The following NCOA1 variants were observed in gnomAD, a reference collection of about 807,000 sequenced individuals.
The protein encoded by NCOA1 is Hin-2 protein.
A neutral mutation model predicts 150.9 loss-of-function variants in NCOA1; 35 were observed. The ratio of observed to expected loss-of-function variants is 0.23; its 90% CI spans 0.18 to 0.31. The LOEUF (loss-of-function observed/expected upper bound fraction) is 0.31, where lower values mean the gene tolerates loss of function less well. Among genes scored for constraint, NCOA1 ranks in the 10% least tolerant of loss-of-function variants. The pLI is 1.00. For missense variants in NCOA1, 1,491 were observed against 1,749.3 expected, an observed-to-expected ratio of 0.85 and a Z score of 2.63; for synonymous variants, 590 against 630.0, an observed-to-expected ratio of 0.94 and a Z score of 0.95.
chr2:24,702,334 T>A (rs1038763516), intron 11 of NCOA1, among the ~76,000 whole-genome samples: 1 of 152,328 alleles, frequency 6.6e-6, no homozygotes, highest in Middle Eastern at 3.4e-3. Flanking sequence ...TTTTAATTCT[T>A]TATCTTTTTC....
At chr2:24,663,236 A>G (rs1032581645) in intron 5 of NCOA1, among the ~76,000 whole-genome samples, 13 of 152,142 alleles carry the variant, frequency 8.5e-5, no homozygotes, top group African/African-American at 2.9e-4. Context: ...TTAACTTGGT[A>G]TCTTCACTCT....
intron 1 of NCOA1, among the ~76,000 whole-genome samples, chr2:24,495,738 A>G (rs1278300537): frequency 1.3e-5 from 2 of 152,208 alleles, no homozygotes; most frequent in Non-Finnish European, 2.9e-5. Context: ...AACTCTGACC[A>G]GACAGACAGA....
At chr2:24,664,330 G>A (rs1356364590) in intron 5 of NCOA1, among the ~76,000 whole-genome samples, 1 of 152,178 alleles carries the variant, frequency 6.6e-6, no homozygotes, top group Non-Finnish European at 1.5e-5. Context: ...TTTGTTTTGT[G>A]TAGGTAAATA....
chr2:24,730,830 A>C (rs1178675435), intron 17 of NCOA1, among the ~76,000 whole-genome samples: 1 of 143,924 alleles, frequency 6.9e-6, no homozygotes, highest in Non-Finnish European at 1.5e-5. Context: ...GTTCGAGACC[A>C]GCGTGGCCAA....
chr2:24,502,275 T>G (rs1253959671), intron 1 of NCOA1, among the ~76,000 whole-genome samples: 2 of 152,204 alleles, frequency 1.3e-5, no homozygotes, highest in Non-Finnish European at 2.9e-5. Context: ...AATTTCAGCT[T>G]TCTAGAATCC....
intron 3 of NCOA1, among the ~76,000 whole-genome samples, chr2:24,595,989 T>G (rs1667869462): frequency 6.6e-6 from 1 of 152,142 alleles, no homozygotes; most frequent in East Asian, 1.9e-4. Flanking sequence ...AGGTAGACTT[T>G]CAGGAGTGAG....
At chr2:24,715,142 C>T (rs775579638) in intron 14 of NCOA1, among the ~76,000 whole-genome samples, 21 of 152,038 alleles carry the variant, frequency 1.4e-4, no homozygotes, top group Non-Finnish European at 2.8e-4. Flanking sequence ...TTGTCACCAG[C>T]AGATTACACT....
At chr2:24,716,306 C>G (rs1430158497) in intron 14 of NCOA1, among the ~76,000 whole-genome samples, 1 of 149,712 alleles carries the variant, frequency 6.7e-6, no homozygotes, top group African/African-American at 2.5e-5. Context: ...TTTAATACTT[C>G]TATAAAGCAC....
chr2:24,674,115 A>G (rs1463775422), intron 7 of NCOA1, among the ~76,000 whole-genome samples: 1 of 91,502 alleles, frequency 1.1e-5, no homozygotes, highest in Admixed American at 1.4e-4. Context: ...TTAAAGACAT[A>G]TGTATGTATG....
intron 17 of NCOA1, among the ~76,000 whole-genome samples, chr2:24,737,165 G>GT (rs1663354607): frequency 6.6e-6 from 1 of 152,228 alleles, no homozygotes; most frequent in African/African-American, 2.4e-5. Flanking sequence ...GCTGAGGAAT[G>GT]TAGCGATCCT....
intron 7 of NCOA1, among the ~76,000 whole-genome samples, chr2:24,679,442 G>C (rs1280022674): frequency 6.6e-6 from 1 of 152,148 alleles, no homozygotes; most frequent in Non-Finnish European, 1.5e-5. Flanking sequence ...AATGTTACTA[G>C]TCTCTTGAGG....
At chr2:24,586,733 C>T (rs944994449) in intron 3 of NCOA1, among the ~76,000 whole-genome samples, 4 of 152,304 alleles carry the variant, frequency 2.6e-5, no homozygotes, top group Admixed American at 2.6e-4. Flanking sequence ...GGATTACAGG[C>T]GTGAGCCACC....
chr2:24,605,997 G>A (rs958307002), intron 3 of NCOA1, among the ~76,000 whole-genome samples: 2 of 152,048 alleles, frequency 1.3e-5, no homozygotes, highest in Non-Finnish European at 2.9e-5. Context: ...TTTAAAGAGC[G>A]TGCTTCTTAT....
chr2:24,605,273 G>A (rs1336153381), intron 3 of NCOA1, among the ~76,000 whole-genome samples: 1 of 152,156 alleles, frequency 6.6e-6, no homozygotes, highest in Non-Finnish European at 1.5e-5. Flanking sequence ...GCTTGGATCA[G>A]GGTTGCCACA....
chr2:24,540,323 A>G (rs1428244597), intron 1 of NCOA1, among the ~76,000 whole-genome samples: 1 of 152,210 alleles, frequency 6.6e-6, no homozygotes, highest in Non-Finnish European at 1.5e-5. Context: ...TGGCTATAAA[A>G]CAAGAGTAGG....
In NCOA1 at chr2:24,711,025, G is replaced by A; in HGVS notation, c.2513G>A (p.Gly838Asp). 1 of 1,614,168 alleles carries A rather than the reference G, an allele frequency of 6.2e-7. No homozygotes were observed. Among genetic ancestry groups the A allele is most frequent in the African/African-American group, 1.3e-5 (1 of 75,036 alleles). ...PGLCETDRMD[G>D]AVTSVTIKSE... ...TTATGTGAGACAGACAGGATGGATG[G>A]TGCGGTCACCAGTGTAACCATCAAA... is the stretch of plus-strand genomic sequence containing the variant. Residue 838 changes from glycine (G) to aspartate (D), a missense_variant, in exon 14 of 23, where the codon GGT becomes GAT. Physicochemically the swap from Gly to Asp is moderately conservative, Grantham distance 94. Coordinates refer to ENST00000348332, the MANE Select transcript of NCOA1 (RefSeq NM_003743.5).
chr2:24,633,476 A>T (rs1669797267), intron 3 of NCOA1, among the ~76,000 whole-genome samples: 1 of 152,192 alleles, frequency 6.6e-6, no homozygotes, highest in South Asian at 2.1e-4. Context: ...GAAAAAATGA[A>T]TAGTATATTT....
Position 24,661,952 on chromosome 2 carries a change from A to T in NCOA1, c.89+3186A>T, listed in dbSNP as rs999976296. Reference sequence around the variant, plus strand: ...TTCATATCTTTTTTCTCTTCTTTAGATATCTTAAAGATAATTATATTCACA... The same window carrying T: ...TTCATATCTTTTTTCTCTTCTTTAGTTATCTTAAAGATAATTATATTCACA... On this transcript the variant is annotated intron_variant, in intron 5 of 22. Coordinates refer to ENST00000348332, the MANE Select transcript of NCOA1 (RefSeq NM_003743.5). 6.6e-5 allele frequency among the ~76,000 whole-genome samples: 10 copies of T among 152,314 alleles called. No individual in the cohort carries two copies. The South Asian group carries it at 1.9e-3, about 28-fold the overall frequency.
chr2:24,551,530 G>T (rs1558786794), intron 1 of NCOA1, among the ~76,000 whole-genome samples: 1 of 152,082 alleles, frequency 6.6e-6, no homozygotes, highest in African/African-American at 2.4e-5. Context: ...CTCTCCGTCA[G>T]TGAGAGGTTG....
Sources: gnomAD v4.1 joint callset for allele counts (sites outside exome capture counted in the v4.1 genomes callset) on GRCh38, gnomAD v4.1.1 for gene constraint, MANE v1.5 for transcripts, NCBI Gene and HGNC (gene_info 2026-07-23, HGNC 2026-07-21) for gene names.